Variants in PTGER3 observed in about 807,000 individuals in gnomAD.
The protein encoded by PTGER3 is prostaglandin E2 receptor EP3 subtype.
In PTGER3, 22 loss-of-function variants were observed where a neutral mutation model predicts 34.7. That is an observed-to-expected ratio of 0.63 (90% CI 0.45 to 0.91). The LOEUF is 0.91. Ranked by LOEUF, PTGER3 falls within the 40% of genes least tolerant of loss-of-function variation. PTGER3 has a pLI of 0.00. For synonymous variants in PTGER3, 241 were observed against 230.1 expected (o/e 1.05, Z -0.43); for missense variants, 468 against 519.4 (o/e 0.90, Z 0.96).
At chr1:71,012,099 C>T in intron 2 of PTGER3, 1 of 1,500,120 alleles carries the variant, frequency 6.7e-7, no homozygotes, top group Non-Finnish European at 8.8e-7. Context: ...TAGCTTTATA[C>T]CAAAAATTCC....
exon 3 of PTGER3, chr1:70,953,782 T>G: frequency 7.1e-7 from 1 of 1,418,070 alleles, no homozygotes; most frequent in South Asian, 1.4e-5. Context: ...GAGTCTTCTT[T>G]TTCTCATCTG....
At chr1:70,896,295 C>T (rs1646720645) in intron 4 of PTGER3, among the ~76,000 whole-genome samples, 1 of 152,190 alleles carries the variant, frequency 6.6e-6, no homozygotes, top group African/African-American at 2.4e-5. Flanking sequence ...TAGGGTGGGC[C>T]TTAATTCAAG....
At chr1:70,973,932 G>A (rs1234346276) in intron 3 of PTGER3, among the ~76,000 whole-genome samples, 1 of 152,142 alleles carries the variant, frequency 6.6e-6, no homozygotes, top group Non-Finnish European at 1.5e-5. Flanking sequence ...AGCCATATGA[G>A]CCATATGGCG....
chr1:70,852,604 C>A, exon 5 of PTGER3: 1 of 562,438 alleles, frequency 1.8e-6, no homozygotes, highest in Non-Finnish European at 3.1e-6. Flanking sequence ...AATATAAATT[C>A]ACAAAACAAT....
intron 2 of PTGER3, chr1:71,008,376 G>A (rs1307596844): frequency 2.1e-5 from 18 of 865,500 alleles, no homozygotes; most frequent in Non-Finnish European, 2.4e-5. Context: ...GTATCATAAT[G>A]TAATGGTATA....
intron 4 of PTGER3, among the ~76,000 whole-genome samples, chr1:70,918,695 A>G (rs781482471): frequency 6.6e-6 from 1 of 152,016 alleles, no homozygotes; most frequent in Non-Finnish European, 1.5e-5. Context: ...CCCAGAAAAC[A>G]TTAGAATAGG....
At chr1:70,971,846 C>T (rs149239558) in intron 3 of PTGER3, 113 bp from the exon 4 acceptor site, 3 of 674,236 alleles carry the variant, frequency 4.4e-6, no homozygotes, top group East Asian at 2.9e-5. Flanking sequence ...TTGCTTTAAA[C>T]GTTTAAAACA....
intron 1 of PTGER3, among the ~76,000 whole-genome samples, chr1:71,016,725 C>G (rs1657935314): frequency 6.6e-6 from 1 of 151,600 alleles, no homozygotes; most frequent in African/African-American, 2.4e-5. Context: ...ATCACTTGAA[C>G]CTAGGAGGCA....
chr1:70,873,486 T>C (rs966322159), intron 4 of PTGER3, among the ~76,000 whole-genome samples: 1 of 152,230 alleles, frequency 6.6e-6, no homozygotes, highest in African/African-American at 2.4e-5. Context: ...ATCAGATATG[T>C]GTCTGTGTAC....
At chr1:70,972,591 A>G (rs1401404087) in intron 3 of PTGER3, among the ~76,000 whole-genome samples, 2 of 152,064 alleles carry the variant, frequency 1.3e-5, no homozygotes, top group Non-Finnish European at 2.9e-5. Context: ...GTAATGATAC[A>G]GTAATATTTT....
intron 2 of PTGER3, among the ~76,000 whole-genome samples, chr1:70,994,704 C>A (rs1370958594): frequency 6.6e-6 from 1 of 152,170 alleles, no homozygotes; most frequent in Non-Finnish European, 1.5e-5. Context: ...GATCCACCCC[C>A]CTCAGCCTCC....
intron 2 of PTGER3, chr1:71,009,012 T>C (rs1230579990): frequency 1.1e-5 from 11 of 984,136 alleles, no homozygotes; most frequent in Non-Finnish European, 1.3e-5. Flanking sequence ...ATTTTCTTTT[T>C]CTGAGTTGAT....
chr1:71,009,526 G>T, intron 2 of PTGER3: 1 of 984,516 alleles, frequency 1.0e-6, no homozygotes, highest in Non-Finnish European at 1.2e-6. Context: ...AAAGTAAACT[G>T]CTCTCATTAA....
At chr1:71,012,193 C>T (rs1657502972) in intron 2 of PTGER3, 112 bp downstream of exon 2, 3 of 1,599,206 alleles carry the variant, frequency 1.9e-6, no homozygotes, top group Non-Finnish European at 2.6e-6. Context: ...AAGCTGTGCA[C>T]ATGCAAGTTA....
chr1:71,039,509 G>A (rs1166269299), intron 1 of PTGER3, among the ~76,000 whole-genome samples: 4 of 151,730 alleles, frequency 2.6e-5, no homozygotes, highest in Non-Finnish European at 5.9e-5. Context: ...AATTAGCCGG[G>A]TGTGGTGGTG....
intron 4 of PTGER3, among the ~76,000 whole-genome samples, chr1:70,915,194 C>G (rs1247527060): frequency 6.6e-6 from 1 of 151,860 alleles, no homozygotes; most frequent in Non-Finnish European, 1.5e-5. Flanking sequence ...GGTATGTGAG[C>G]TTCAAACTTA....
chr1:70,964,432 A>G (rs1166129359), intron 2 of PTGER3, among the ~76,000 whole-genome samples: 1 of 152,220 alleles, frequency 6.6e-6, no homozygotes, highest in Non-Finnish European at 1.5e-5. Context: ...AGCTCCACAT[A>G]GCTGAGGAGG....
At chr1:71,013,548 C>A (rs1051217274) in intron 1 of PTGER3, among the ~76,000 whole-genome samples, 1 of 151,748 alleles carries the variant, frequency 6.6e-6, no homozygotes, top group Non-Finnish European at 1.5e-5. Flanking sequence ...ACTAAAAATA[C>A]AAAATTGGCT....
intron 4 of PTGER3, among the ~76,000 whole-genome samples, chr1:70,940,628 C>T (rs564678280): frequency 1.6e-4 from 25 of 152,096 alleles, no homozygotes; most frequent in Non-Finnish European, 3.2e-4. Context: ...GAAGCAAAAG[C>T]AGAAGCCACT....
Sources: gnomAD v4.1 joint callset for allele counts (sites outside exome capture counted in the v4.1 genomes callset) on GRCh38, gnomAD v4.1.1 for gene constraint, MANE v1.5 for transcripts, NCBI Gene and HGNC (gene_info 2026-07-23, HGNC 2026-07-21) for gene names.